Variants in ARHGAP24 observed in about 807,000 individuals in gnomAD.
The protein encoded by ARHGAP24 is Rho GTPase activating protein 24.
Under a neutral mutation model 76.4 loss-of-function variants are expected in ARHGAP24, and 50 were observed. The observed-to-expected ratio is 0.65, with a 90% CI of 0.52 to 0.83. ARHGAP24 has a LOEUF of 0.83. Among genes scored for constraint, ARHGAP24 ranks in the 40% least tolerant of loss-of-function variants. ARHGAP24 has a pLI of 0.00. For synonymous variants in ARHGAP24, 345 were observed against 323.3 expected (o/e 1.07, Z -0.72); for missense variants, 930 against 914.2 (o/e 1.02, Z -0.22).
intron 3 of ARHGAP24, among the ~76,000 whole-genome samples, chr4:85,866,167 TG>T (rs1469613315): frequency 6.6e-6 from 1 of 152,140 alleles, no homozygotes; most frequent in African/African-American, 2.4e-5. Flanking sequence ...AAGTATATAG[TG>T]TTGTAGTAGA....
At chr4:85,632,816 T>G (rs1721198677) in intron 2 of ARHGAP24, among the ~76,000 whole-genome samples, 1 of 152,044 alleles carries the variant, frequency 6.6e-6, no homozygotes, top group Non-Finnish European at 1.5e-5. Context: ...TATATATAAA[T>G]GTTTTTAAAT....
chr4:85,485,738 GTT>G (rs1297372157), intron 1 of ARHGAP24, among the ~76,000 whole-genome samples: 4 of 138,224 alleles, frequency 2.9e-5, no homozygotes, highest in Admixed American at 7.3e-5. Flanking sequence ...CTTTTGAACA[GTT>G]TTTTTTTTTT....
At chr4:85,627,895 C>T (rs1255044277) in intron 2 of ARHGAP24, among the ~76,000 whole-genome samples, 1 of 152,150 alleles carries the variant, frequency 6.6e-6, no homozygotes, top group East Asian at 1.9e-4. Flanking sequence ...GATATAATCT[C>T]CTGGTGTGCC....
intron 2 of ARHGAP24, among the ~76,000 whole-genome samples, chr4:85,635,662 G>A (rs1578097115): frequency 6.6e-6 from 1 of 151,780 alleles, no homozygotes; most frequent in Non-Finnish European, 1.5e-5. Context: ...AGAATCCAGA[G>A]CAGGCAGTTT....
intron 1 of ARHGAP24, among the ~76,000 whole-genome samples, chr4:85,544,006 C>T (rs1465319227): frequency 6.6e-6 from 1 of 152,146 alleles, no homozygotes; most frequent in Non-Finnish European, 1.5e-5. Flanking sequence ...ACAACCAAAA[C>T]ATTCCTTTAC....
At chr4:85,716,908 A>G (rs1724752725) in intron 2 of ARHGAP24, among the ~76,000 whole-genome samples, 1 of 152,084 alleles carries the variant, frequency 6.6e-6, no homozygotes, top group African/African-American at 2.4e-5. Context: ...AGGTGAATAA[A>G]TATCTTGACC....
intron 1 of ARHGAP24, among the ~76,000 whole-genome samples, chr4:85,550,576 T>G (rs1478238673): frequency 6.6e-6 from 1 of 152,210 alleles, no homozygotes; most frequent in Non-Finnish European, 1.5e-5. Flanking sequence ...TTTTTCCTAA[T>G]TCTGTGATGA....
At chr4:85,935,844 G>A (rs1736601445) in intron 4 of ARHGAP24, among the ~76,000 whole-genome samples, 1 of 152,096 alleles carries the variant, frequency 6.6e-6, no homozygotes, top group Non-Finnish European at 1.5e-5. Context: ...ATCCTTCCTA[G>A]CATTTATTAT....
chr4:85,770,931 G>A (rs1205204051), intron 3 of ARHGAP24, among the ~76,000 whole-genome samples: 2 of 152,272 alleles, frequency 1.3e-5, no homozygotes, highest in African/African-American at 4.8e-5. Context: ...ATTTAGTTGG[G>A]TGTTCATTAA....
In ARHGAP24 at chr4:85,592,257, A is replaced by C. The variant is rs367690609; in HGVS notation, c.180+21536A>C. On this transcript the variant is annotated intron_variant, in intron 2 of 9. Transcript: ENST00000395184. Reference sequence around the variant, plus strand: ...AAGATGAATGCTTCTCTGATGATCAATGATGTTGAGCACCTTTTCATATAA... The same window carrying C: ...AAGATGAATGCTTCTCTGATGATCACTGATGTTGAGCACCTTTTCATATAA... 5.3e-5 allele frequency among the ~76,000 whole-genome samples: 8 copies of C among 152,206 alleles called. No individual in the cohort carries two copies. In the East Asian group the frequency reaches 1.3e-3, roughly 26 times the overall value.
intron 3 of ARHGAP24, among the ~76,000 whole-genome samples, chr4:85,770,930 G>C (rs1254922044): frequency 6.6e-6 from 1 of 152,208 alleles, no homozygotes; most frequent in East Asian, 1.9e-4. Context: ...GATTTAGTTG[G>C]GTGTTCATTA....
rs141807855 is a variant in ARHGAP24, at chr4:85,888,381, C to G, written c.269-35267C>G. On this transcript the variant is annotated intron_variant, in intron 3 of 9. Coordinates refer to ENST00000395184, the MANE Select transcript of ARHGAP24 (RefSeq NM_001025616.3). ...CACCACTGCACTCCAGCCTGGGCAA[C>G]AGAGCAAGACTTCCTCTCAAGAAAA... Among the ~76,000 whole-genome samples the G allele has an allele frequency of 2.5e-3, 311 of 126,820 alleles. 2 individuals carry two copies. The highest frequency in any genetic ancestry group is 9.5e-4 in the Non-Finnish European group (60 of 62,960). 83.2% of individuals were successfully genotyped at this position (126,820 alleles called of 152,430 possible). A position where few individuals can be genotyped will look rare whatever the true frequency, so the allele number is the denominator to read the frequency against.
intron 2 of ARHGAP24, among the ~76,000 whole-genome samples, chr4:85,589,624 G>T (rs1728003142): frequency 6.6e-6 from 1 of 152,152 alleles, no homozygotes; most frequent in Non-Finnish European, 1.5e-5. Context: ...TCCGGCCAGA[G>T]ATATATTTTT....
At chr4:85,626,667 GTGTTT>G (rs1720965462) in intron 2 of ARHGAP24, among the ~76,000 whole-genome samples, 2 of 152,170 alleles carry the variant, frequency 1.3e-5, no homozygotes, top group Non-Finnish European at 2.9e-5. Flanking sequence ...ATCCTGCAGA[GTGTTT>G]TCCAACTTGG....
chr4:85,833,374 T>C (rs540289575), intron 3 of ARHGAP24, among the ~76,000 whole-genome samples: 1 of 152,234 alleles, frequency 6.6e-6, no homozygotes, highest in South Asian at 2.1e-4. Context: ...TTTAGGTCTC[T>C]GGATTTTTTT....
intron 1 of ARHGAP24, among the ~76,000 whole-genome samples, chr4:85,548,383 T>C (rs1351877715): frequency 2.6e-5 from 4 of 152,190 alleles, no homozygotes; most frequent in African/African-American, 4.8e-5. Flanking sequence ...TGAATATATG[T>C]TGATTTTTAT....
intron 3 of ARHGAP24, among the ~76,000 whole-genome samples, chr4:85,746,691 C>T (rs1475088283): frequency 6.6e-6 from 1 of 152,092 alleles, no homozygotes; most frequent in Non-Finnish European, 1.5e-5. Context: ...CACACTGTCA[C>T]CCAGGCTGGA....
intron 4 of ARHGAP24, among the ~76,000 whole-genome samples, chr4:85,933,840 T>G (rs1438561056): frequency 1.3e-5 from 2 of 152,172 alleles, no homozygotes; most frequent in Non-Finnish European, 2.9e-5. Context: ...AAAGTCCACC[T>G]CTATCTTGAT....
At chr4:85,685,686 C>T (rs1279496259) in intron 2 of ARHGAP24, among the ~76,000 whole-genome samples, 1 of 149,454 alleles carries the variant, frequency 6.7e-6, no homozygotes. Flanking sequence ...CTTCTGACTT[C>T]TGCCTATCTC....
Sources: allele counts gnomAD v4.1 joint callset (sites outside exome capture counted in the v4.1 genomes callset), GRCh38; gene constraint gnomAD v4.1.1; transcripts MANE v1.5; gene names NCBI Gene and HGNC (gene_info 2026-07-23, HGNC 2026-07-21).